MB21D2: variants seen among roughly 807,000 people sequenced by gnomAD.
The protein encoded by MB21D2 is Mab-21 domain containing 2, also known as nucleotidyltransferase MB21D2.
MB21D2 carries 9 observed loss-of-function variants against 33.3 expected under a neutral mutation model. The observed-to-expected ratio is 0.27, with a 90% CI of 0.16 to 0.47. The LOEUF (loss-of-function observed/expected upper bound fraction) is 0.47, where lower values mean the gene tolerates loss of function less well. MB21D2 is among the 20% of genes least tolerant of loss of function. MB21D2 has a pLI of 0.99. For missense variants in MB21D2, 540 were observed against 624.6 expected, an observed-to-expected ratio of 0.86 and a Z score of 1.44; for synonymous variants, 241 against 236.3, an observed-to-expected ratio of 1.02 and a Z score of -0.18.
intron 1 of MB21D2, among the ~76,000 whole-genome samples, chr3:192,910,668 C>T (rs1206599703): frequency 2.0e-5 from 3 of 152,182 alleles, no homozygotes; most frequent in Admixed American, 2.0e-4. Context: ...GGATCCCATA[C>T]CATCCCTGTT....
intron 1 of MB21D2, among the ~76,000 whole-genome samples, chr3:192,816,884 AAT>A (rs1223237453): frequency 6.6e-6 from 1 of 152,010 alleles, no homozygotes; most frequent in Non-Finnish European, 1.5e-5. Flanking sequence ...TTAAAAAAAA[AAT>A]GGGGGTAATA....
intron 1 of MB21D2, among the ~76,000 whole-genome samples, chr3:192,912,595 C>T (rs1448659836): frequency 6.6e-6 from 1 of 152,096 alleles, no homozygotes; most frequent in African/African-American, 2.4e-5. Context: ...ATCACTTGAA[C>T]CCAGGAGGCA....
chr3:192,812,696 C>T (rs886902445), intron 1 of MB21D2, among the ~76,000 whole-genome samples: 1 of 152,132 alleles, frequency 6.6e-6, no homozygotes, highest in Non-Finnish European at 1.5e-5. Context: ...AGACACGTCT[C>T]CTCTTGTTCT....
At chr3:192,833,375 G>C (rs1253142052) in intron 1 of MB21D2, among the ~76,000 whole-genome samples, 1 of 152,042 alleles carries the variant, frequency 6.6e-6, no homozygotes, top group Non-Finnish European at 1.5e-5. Context: ...ACAATCTGAC[G>C]CAACTATGGC....
intron 1 of MB21D2, among the ~76,000 whole-genome samples, chr3:192,907,775 T>C (rs867962880): frequency 6.6e-6 from 1 of 152,164 alleles, no homozygotes; most frequent in Non-Finnish European, 1.5e-5. Flanking sequence ...AGATTAACCA[T>C]CCAAGTGGAG....
chr3:192,861,384 C>A (rs758085934), intron 1 of MB21D2, among the ~76,000 whole-genome samples: 7 of 152,222 alleles, frequency 4.6e-5, no homozygotes, highest in African/African-American at 7.2e-5. Context: ...AGAGCTGCAT[C>A]CTCCTCAGTT....
chr3:192,840,415 C>CTTTTTTTTTTTTTTTTT (rs71177380), intron 1 of MB21D2, among the ~76,000 whole-genome samples: 96 of 88,288 alleles, frequency 1.1e-3, no homozygotes, highest in Admixed American at 2.2e-3. Flanking sequence ...TCTCTTTTTT[C>CTTTTTTTTTTTTTTTTT]TTTTTTTTTT....
At position 192,798,276 on chromosome 3, in the gene MB21D2, T is replaced by C. The variant is rs1720564503; in HGVS notation, c.*110A>G. The C allele has an allele frequency of 7.8e-7, 1 of 1,279,004 alleles. No homozygotes were observed. Among genetic ancestry groups the C allele is most frequent in the Non-Finnish European group, 1.1e-6 (1 of 928,564 alleles). The allele number at this position is 1,279,004 out of a possible 1,614,324, so 79.2% of individuals were successfully genotyped here. A position where few individuals can be genotyped will look rare whatever the true frequency, so the allele number is the denominator to read the frequency against. On this transcript the variant is annotated 3_prime_UTR_variant, in exon 2 of 2. Transcript: ENST00000392452. This position sits in a 1 kb window ranked among gnomAD's most constrained non-coding sequence, Gnocchi z 4.8. ...AACCAGGAAACTTAAAATTTGTTCTTAACAAATCCAATCTAGGCTGGATAT... is the reference window on the plus strand; with the variant it reads ...AACCAGGAAACTTAAAATTTGTTCTCAACAAATCCAATCTAGGCTGGATAT...
chr3:192,879,320 G>A (rs1661769003), intron 1 of MB21D2, among the ~76,000 whole-genome samples: 1 of 152,252 alleles, frequency 6.6e-6, no homozygotes, highest in Admixed American at 6.5e-5. Flanking sequence ...CCAGAGCTGG[G>A]CAGCACACAC....
intron 1 of MB21D2, among the ~76,000 whole-genome samples, chr3:192,808,548 C>T (rs1191854082): frequency 6.6e-6 from 1 of 152,204 alleles, no homozygotes; most frequent in Non-Finnish European, 1.5e-5. Context: ...GCAGAATTTT[C>T]TAGCAATGCT....
At chr3:192,879,050 C>G (rs1336567928) in intron 1 of MB21D2, among the ~76,000 whole-genome samples, 1 of 152,158 alleles carries the variant, frequency 6.6e-6, no homozygotes, top group Admixed American at 6.6e-5. Flanking sequence ...AAAAAGACAG[C>G]AAGAGGTGCT....
At chr3:192,833,245 G>A (rs1404752867) in intron 1 of MB21D2, among the ~76,000 whole-genome samples, 2 of 152,060 alleles carry the variant, frequency 1.3e-5, no homozygotes, top group African/African-American at 4.8e-5. Flanking sequence ...CCCTATCTTG[G>A]CAAGGAAAGT....
At chr3:192,815,812 G>A (rs565824589) in intron 1 of MB21D2, among the ~76,000 whole-genome samples, 15 of 152,224 alleles carry the variant, frequency 9.9e-5, no homozygotes, top group South Asian at 8.3e-4. Flanking sequence ...TTCAGGGCCC[G>A]TATCTTCCTC....
At chr3:192,856,712 C>T (rs1244742018) in intron 1 of MB21D2, among the ~76,000 whole-genome samples, 2 of 152,050 alleles carry the variant, frequency 1.3e-5, no homozygotes, top group Non-Finnish European at 2.9e-5. Flanking sequence ...TCCACCAAGC[C>T]CAGCTAATTT....
chr3:192,900,093 G>T lies in MB21D2; in HGVS notation c.211+17537C>A, dbSNP rs371633852. On this transcript the variant is annotated intron_variant, in intron 1 of 1. Coordinates refer to ENST00000392452, the MANE Select transcript of MB21D2 (RefSeq NM_178496.4). Reference sequence around the variant, plus strand: ...AGGTCAGGAGATCGAGACCATCCTGGCTAACACAGTGAAACCCCGTCTCTA... The same window carrying T: ...AGGTCAGGAGATCGAGACCATCCTGTCTAACACAGTGAAACCCCGTCTCTA... 6.5e-4 allele frequency among the ~76,000 whole-genome samples: 98 copies of T among 151,878 alleles called. 1 individual carries two copies. The East Asian group carries it at 0.016, about 25-fold the overall frequency.
intron 1 of MB21D2, among the ~76,000 whole-genome samples, chr3:192,844,324 T>C (rs1255863106): frequency 6.6e-6 from 1 of 152,194 alleles, no homozygotes; most frequent in Non-Finnish European, 1.5e-5. Flanking sequence ...TGAATGTTAG[T>C]TGGTGCTCAT....
intron 1 of MB21D2, among the ~76,000 whole-genome samples, chr3:192,802,548 C>T (rs1464364988): frequency 6.6e-6 from 1 of 152,154 alleles, no homozygotes; most frequent in African/African-American, 2.4e-5. Context: ...ATTGAAAGTT[C>T]TTATAAATGC....
chr3:192,901,933 G>A (rs1191739997), intron 1 of MB21D2, among the ~76,000 whole-genome samples: 1 of 152,148 alleles, frequency 6.6e-6, no homozygotes, highest in Non-Finnish European at 1.5e-5. Flanking sequence ...CTGCATCTTC[G>A]TAAGGCTGCC....
At chr3:192,903,681 G>A (rs1714148426) in intron 1 of MB21D2, among the ~76,000 whole-genome samples, 1 of 152,184 alleles carries the variant, frequency 6.6e-6, no homozygotes, top group South Asian at 2.1e-4. Flanking sequence ...ATGTTGAAAT[G>A]TAATCCCCAG....
Sources: gnomAD v4.1 joint callset for allele counts (sites outside exome capture counted in the v4.1 genomes callset) on GRCh38, gnomAD v4.1.1 for gene constraint, Gnocchi (gnomAD v3.1) non-coding constraint, MANE v1.5 for transcripts, NCBI Gene and HGNC (gene_info 2026-07-23, HGNC 2026-07-21) for gene names.